Variants in PCDHGB2 observed in about 807,000 individuals in gnomAD.
The protein encoded by PCDHGB2 is protocadherin gamma subfamily B, 2, also known as protocadherin gamma-B2.
PCDHGB2 carries 55 observed loss-of-function variants against 59.3 expected under a neutral mutation model. The observed-to-expected ratio is 0.93, with a 90% confidence interval of 0.75 to 1.16. The LOEUF is 1.16. Ranked by LOEUF, PCDHGB2 falls within the 50% of genes most tolerant of loss-of-function variation. The pLI, the probability that PCDHGB2 is intolerant of heterozygous loss-of-function variation, is 0.00. For missense variants in PCDHGB2, 1,228 were observed against 1,198.5 expected, an observed-to-expected ratio of 1.02 and a Z score of -0.36; for synonymous variants, 516 against 512.0, an observed-to-expected ratio of 1.01 and a Z score of -0.11.
At chr5:141,503,335 G>A (rs111643076) in intron 2 of PCDHGB2, among the ~76,000 whole-genome samples, 108 of 152,220 alleles carry the variant, frequency 7.1e-4, no homozygotes, top group African/African-American at 2.4e-3. Context: ...GGTGGCTCAC[G>A]CCTGTAATTC....
chr5:141,372,910 A>AT, intron 1 of PCDHGB2: 1 of 1,053,676 alleles, frequency 9.5e-7, no homozygotes, highest in East Asian at 2.6e-5. Flanking sequence ...TGATTACATT[A>AT]TTTTATTGAT....
At chr5:141,478,239 C>G in intron 1 of PCDHGB2, 1 of 1,614,132 alleles carries the variant, frequency 6.2e-7, no homozygotes. Flanking sequence ...TTTGTGGTCA[C>G]AGTGTTCGGA....
In PCDHGB2 at chr5:141,487,268, G is replaced by A; in HGVS notation, c.2422-7539G>A. ...CCTCTACTTGGCTGTGTCCCTAGTG[G>A]CAATTTGCTTTGTCTCCTTTGGCTC... On this transcript the variant is annotated intron_variant, in intron 1 of 3. Transcript: ENST00000522605. This position sits in a 1 kb window ranked among gnomAD's most constrained non-coding sequence, Gnocchi z 5.0. 4 of 1,614,100 alleles carry A rather than the reference G, an allele frequency of 2.5e-6. No homozygotes were observed. The South Asian group carries it at 4.4e-5, about 18-fold the overall frequency.
intron 1 of PCDHGB2, chr5:141,372,409 A>C: frequency 6.2e-7 from 1 of 1,614,038 alleles, no homozygotes; most frequent in South Asian, 1.1e-5. Flanking sequence ...CAAGAGATAC[A>C]ACCTGACCTT....
chr5:141,387,782 A>G lies in PCDHGB2; in HGVS notation c.2421+25226A>G, dbSNP rs145228594. 6.9e-3 allele frequency: 10,094 copies of G among 1,466,254 alleles called. 59 individuals are homozygous for G. The highest frequency in any genetic ancestry group is 8.3e-3 in the Non-Finnish European group (9,103 of 1,100,820). 90.8% of individuals were successfully genotyped at this position (1,466,254 alleles called of 1,614,324 possible). On this transcript the variant is annotated intron_variant, in intron 1 of 3. Transcript: ENST00000522605. ...AAGAAGAATTTTTTCTTGAACTGGA[A>G]CTGCAACTAAAGTCCGTTCGGAGAT... is the stretch of plus-strand genomic sequence containing the variant.
intron 1 of PCDHGB2, chr5:141,374,444 G>T: frequency 6.2e-7 from 1 of 1,613,848 alleles, no homozygotes; most frequent in Non-Finnish European, 8.5e-7. Context: ...TCCCGTGGAA[G>T]TGGAAATAGT....
chr5:141,421,713 T>G, intron 1 of PCDHGB2: 1 of 1,613,932 alleles, frequency 6.2e-7, no homozygotes, highest in South Asian at 1.1e-5. Flanking sequence ...GGGATCCAGA[T>G]GTGGGCGTGA....
In PCDHGB2 at chr5:141,477,377, C is replaced by A. The variant is rs1456451105; in HGVS notation, c.2422-17430C>A. On this transcript the variant is annotated intron_variant, in intron 1 of 3. Coordinates refer to ENST00000522605, the MANE Select transcript of PCDHGB2 (RefSeq NM_018923.3). This position sits in a 1 kb window ranked among gnomAD's most constrained non-coding sequence, Gnocchi z 4.9. ...TGCAGACCTGGATCGGGAGACTGTG[C>A]CAGAATACAACCTCAGCATCACCGC... 1.2e-6 allele frequency: 2 copies of A among 1,614,026 alleles called. No homozygotes were observed. The highest frequency in any genetic ancestry group is 1.7e-6 in the Non-Finnish European group (2 of 1,180,032).
intron 1 of PCDHGB2, among the ~76,000 whole-genome samples, chr5:141,450,899 A>G (rs1045595271): frequency 1.0e-4 from 15 of 149,514 alleles, no homozygotes; most frequent in African/African-American, 3.7e-4. Context: ...ATATCGGCTC[A>G]CTGCAACCGC....
intron 1 of PCDHGB2, among the ~76,000 whole-genome samples, chr5:141,370,104 TCTC>T (rs1276559358): frequency 6.6e-6 from 1 of 152,240 alleles, no homozygotes; most frequent in African/African-American, 2.4e-5. Context: ...TGCCGATTTT[TCTC>T]CTAACTAGCT....
chr5:141,403,611 C>T lies in PCDHGB2; in HGVS notation c.2421+41055C>T. ...CTCACGGCCTCGGATGGCGGCGAGCCGCGTCGCTCCAGCACAGTGCGCATC... is the reference window on the plus strand; with the variant it reads ...CTCACGGCCTCGGATGGCGGCGAGCTGCGTCGCTCCAGCACAGTGCGCATC... On this transcript the variant is annotated intron_variant, in intron 1 of 3. Transcript: ENST00000522605. 6.2e-7 allele frequency: 1 copy of T among 1,613,860 alleles called. No homozygotes were observed.
Position 141,432,184 on chromosome 5 carries a change from C to T in PCDHGB2, c.2422-62623C>T, listed in dbSNP as rs774512372. 3.7e-6 allele frequency: 6 copies of T among 1,614,164 alleles called. No homozygotes were observed. The highest frequency in any genetic ancestry group is 2.2e-5 in the South Asian group (2 of 91,080). On this transcript the variant is annotated intron_variant, in intron 1 of 3. Transcript: ENST00000522605. The surrounding 1 kb of genome is among the most constrained non-coding windows in gnomAD (Gnocchi z 6.0). Reference sequence around the variant, plus strand: ...GAGGAGTTTCCCTCGTCTCTGTGACCGCCCACGACCCCGACTGTGAAGAGA... The same window carrying T: ...GAGGAGTTTCCCTCGTCTCTGTGACTGCCCACGACCCCGACTGTGAAGAGA...
At chr5:141,386,520 G>A (rs976508801) in intron 1 of PCDHGB2, among the ~76,000 whole-genome samples, 1 of 144 alleles carries the variant, frequency 6.9e-3, no homozygotes, top group South Asian at 0.5. Context: ...TTCAAAAAAA[G>A]ACTCTTTTTA....
chr5:141,497,626 G>T (rs1373764805), intron 2 of PCDHGB2, among the ~76,000 whole-genome samples: 3 of 149,502 alleles, frequency 2.0e-5, no homozygotes, highest in Non-Finnish European at 4.4e-5. Flanking sequence ...TGCAACCTCT[G>T]CCTGCCAGGT....
At chr5:141,439,190 CAA>C (rs200519543) in intron 1 of PCDHGB2, among the ~76,000 whole-genome samples, 3 of 111,702 alleles carry the variant, frequency 2.7e-5, no homozygotes, top group Non-Finnish European at 4.0e-5. Flanking sequence ...GAGACTCTGA[CAA>C]AAAAAAAAAA....
chr5:141,400,281 C>G, intron 1 of PCDHGB2: 5 of 1,614,016 alleles, frequency 3.1e-6, no homozygotes, highest in Non-Finnish European at 4.2e-6. Context: ...CCAGCCCTGC[C>G]GCCTGGAGCT....
In PCDHGB2 at chr5:141,432,645, C is replaced by T. The variant is rs758701539; in HGVS notation, c.2422-62162C>T. On this transcript the variant is annotated intron_variant, in intron 1 of 3. Coordinates refer to ENST00000522605, the MANE Select transcript of PCDHGB2 (RefSeq NM_018923.3). The surrounding 1 kb of genome is among the most constrained non-coding windows in gnomAD (Gnocchi z 6.0). Reference sequence around the variant, plus strand: ...CTGCACACGGGCGAGGTGCGCACGGCGCGAGCCCTGCTGGACAGAGACGCG... The same window carrying T: ...CTGCACACGGGCGAGGTGCGCACGGTGCGAGCCCTGCTGGACAGAGACGCG... 1 of 1,613,746 alleles carries T rather than the reference C, an allele frequency of 6.2e-7. No homozygotes were observed. Among genetic ancestry groups the T allele is most frequent in the Admixed American group, 1.7e-5 (1 of 60,006 alleles).
At chr5:141,407,985 A>C in intron 1 of PCDHGB2, 6 of 789,616 alleles carry the variant, frequency 7.6e-6, no homozygotes, top group Non-Finnish European at 1.1e-5. Flanking sequence ...GGGATCCGTC[A>C]GCCTCTGGCC....
chr5:141,427,391 A>G (rs942653386), intron 1 of PCDHGB2: 3 of 459,818 alleles, frequency 6.5e-6, no homozygotes, highest in Non-Finnish European at 1.3e-5. Context: ...TGTTCAAAAC[A>G]CATGATAAAG....
Sources: allele counts gnomAD v4.1 joint callset (sites outside exome capture counted in the v4.1 genomes callset), GRCh38; gene constraint gnomAD v4.1.1; non-coding constraint Gnocchi (gnomAD v3.1); transcripts MANE v1.5; gene names NCBI Gene and HGNC (gene_info 2026-07-23, HGNC 2026-07-21).